Variants in BEND4 observed in about 807,000 individuals in gnomAD.
BEND4 encodes BEN domain-containing protein 4.
A neutral mutation model predicts 54.7 loss-of-function variants in BEND4; 27 were observed. The ratio of observed to expected loss-of-function variants is 0.49; its 90% confidence interval spans 0.36 to 0.68. The LOEUF is 0.68. BEND4 is among the 30% of genes least tolerant of loss of function. The pLI is 0.00. For synonymous variants in BEND4, 327 were observed against 299.5 expected (o/e 1.09, Z -0.95); for missense variants, 702 against 697.2 (o/e 1.01, Z -0.08).
Position 42,115,413 on chromosome 4 carries a change from T to C in BEND4, c.*2105A>G, listed in dbSNP as rs1388716426. On this transcript the variant is annotated 3_prime_UTR_variant, in exon 6 of 6. Coordinates refer to ENST00000502486, the MANE Select transcript of BEND4 (RefSeq NM_207406.4). ...TCAGCCTCAGCGAAGACCAGCACGA[T>C]AGGGCTCCAAGATGATATTTGGATA... is the stretch of plus-strand genomic sequence containing the variant. 1 of 152,220 alleles carries C rather than the reference T, an allele frequency of 6.6e-6. No individual in the cohort carries two copies. The highest frequency in any genetic ancestry group is 1.5e-5 in the Non-Finnish European group (1 of 68,048). 9.4% of individuals were successfully genotyped at this position (152,220 alleles called of 1,614,324 possible). A position where few individuals can be genotyped will look rare whatever the true frequency, so the allele number is the denominator to read the frequency against.
At chr4:42,128,478 G>T (rs1057316963) in intron 3 of BEND4, among the ~76,000 whole-genome samples, 5 of 152,108 alleles carry the variant, frequency 3.3e-5, no homozygotes, top group African/African-American at 1.2e-4. Context: ...CAAAAAATTA[G>T]CCGGGTGTGG....
At position 42,151,715 on chromosome 4, in the gene BEND4, C is replaced by T; in HGVS notation, c.429G>A (p.Ala143=). ...CCGTGCCGCCGGTGCCGGCGGCCGCCGCCGCGCCTGGGCCATACCTGACGA... is the reference window on the plus strand; with the variant it reads ...CCGTGCCGCCGGTGCCGGCGGCCGCTGCCGCGCCTGGGCCATACCTGACGA... ...AAVVRYGPGA[A]AAAGTGGTGS... The change falls in exon 2 of 6, where the codon GCG becomes GCA. Residue 143 remains alanine (A), a synonymous_variant. Transcript: ENST00000502486. 1 of 1,503,474 alleles carries T rather than the reference C, an allele frequency of 6.7e-7. No individual in the cohort carries two copies. The highest frequency in any genetic ancestry group is 8.8e-7 in the Non-Finnish European group (1 of 1,131,008). 93.1% of individuals were successfully genotyped at this position (1,503,474 alleles called of 1,614,324 possible). A position where few individuals can be genotyped will look rare whatever the true frequency, so the allele number is the denominator to read the frequency against.
chr4:42,148,927 T>G (rs574733694), intron 2 of BEND4, among the ~76,000 whole-genome samples: 1 of 152,364 alleles, frequency 6.6e-6, no homozygotes, highest in South Asian at 2.1e-4. Flanking sequence ...AATTATACTC[T>G]TCATGAGATT....
chr4:42,133,912 G>T (rs1720599823), intron 3 of BEND4, among the ~76,000 whole-genome samples: 1 of 152,128 alleles, frequency 6.6e-6, no homozygotes, highest in Admixed American at 6.5e-5. Context: ...TTATTGTGAG[G>T]ATTACTTAAA....
Position 42,132,141 on chromosome 4 carries a change from G to C in BEND4, c.1055-6467C>G, listed in dbSNP as rs575684652. ...CCGGAGGTGCATGGGCACTGAAAAG[G>C]AAATTGTGGAAAACCTCCTGTCCTC... is the stretch of plus-strand genomic sequence containing the variant. On this transcript the variant is annotated intron_variant, in intron 3 of 5. Coordinates refer to ENST00000502486, the MANE Select transcript of BEND4 (RefSeq NM_207406.4). 1.1e-4 allele frequency among the ~76,000 whole-genome samples: 17 copies of C among 152,372 alleles called. No individual in the cohort carries two copies. In the South Asian group the frequency reaches 3.3e-3, roughly 30 times the overall value.
intron 4 of BEND4, 139 bp downstream of exon 4, chr4:42,125,444 A>G (rs1677381609): frequency 3.1e-6 from 2 of 647,010 alleles, no homozygotes; most frequent in East Asian, 5.8e-5. Context: ...CACAAATTAC[A>G]TACTTACAGG....
chr4:42,121,096 A>T (rs1720041753), intron 4 of BEND4, among the ~76,000 whole-genome samples: 1 of 152,224 alleles, frequency 6.6e-6, no homozygotes. Flanking sequence ...GGACAAATTA[A>T]TTAACCCATG....
intron 4 of BEND4, among the ~76,000 whole-genome samples, chr4:42,122,808 C>G (rs761120369): frequency 3.3e-5 from 5 of 152,174 alleles, no homozygotes; most frequent in Non-Finnish European, 5.9e-5. Flanking sequence ...AGGATTACAG[C>G]TTTATCTTAC....
At position 42,143,781 on chromosome 4, in the gene BEND4, T is replaced by C. The variant is rs772913105; in HGVS notation, c.701A>G (p.Gln234Arg). 1 of 1,612,330 alleles carries C rather than the reference T, an allele frequency of 6.2e-7. No individual in the cohort carries two copies. Among genetic ancestry groups the C allele is most frequent in the Non-Finnish European group, 8.5e-7 (1 of 1,178,988 alleles). ...QTSDNVDIEM[Q>R]YMQRKQQTSA... ...AGTTTGTTGTTTCCTTTGCATATAC[T>C]GCATCTCTATGTCTACATTGTCTGA... Residue 234 changes from glutamine to arginine, a missense_variant, in exon 3 of 6, where the codon CAG becomes CGG. Gln to Arg is a conservative substitution (Grantham distance 43). Transcript: ENST00000502486.
rs993643670 is a variant in BEND4, at chr4:42,126,295, G to T, written c.1055-621C>A. Among the ~76,000 whole-genome samples, 6 of 152,182 alleles carry T rather than the reference G, an allele frequency of 3.9e-5. 1 individual carries two copies. The highest frequency in any genetic ancestry group is 1.4e-4 in the African/African-American group (6 of 41,448). ...GACATGTCTTGACTTATTTGACTCA[G>T]GTTGCAGCAGTAGCACCCAATGATG... On this transcript the variant is annotated intron_variant, in intron 3 of 5. Transcript: ENST00000502486.
At chr4:42,138,589 G>GAAA (rs1720776944) in intron 3 of BEND4, among the ~76,000 whole-genome samples, 1 of 152,194 alleles carries the variant, frequency 6.6e-6, no homozygotes, top group Non-Finnish European at 1.5e-5. Context: ...CTTGCTACAA[G>GAAA]AACAACAACA....
At chr4:42,121,893 T>C (rs1357104092) in intron 4 of BEND4, among the ~76,000 whole-genome samples, 1 of 151,850 alleles carries the variant, frequency 6.6e-6, no homozygotes, top group Non-Finnish European at 1.5e-5. Context: ...TTCACAAAAA[T>C]GAGGAACAGA....
At position 42,116,341 on chromosome 4, in the gene BEND4, A is replaced by G. The variant is rs1719829879; in HGVS notation, c.*1177T>C. 6.6e-6 allele frequency: 1 copy of G among 152,222 alleles called. No individual in the cohort carries two copies. 9.4% of individuals were successfully genotyped at this position (152,222 alleles called of 1,614,324 possible). The stretch of plus-strand genomic sequence containing the variant: ...TCTAGCACCTCTATAGCATTTGCCA[A>G]TATGGAAAGTTTCCAAAGATACCAC... On this transcript the variant is annotated 3_prime_UTR_variant, in exon 6 of 6. Transcript: ENST00000502486.
At chr4:42,133,104 G>A (rs948985042) in intron 3 of BEND4, among the ~76,000 whole-genome samples, 1 of 152,146 alleles carries the variant, frequency 6.6e-6, no homozygotes, top group Admixed American at 6.5e-5. Flanking sequence ...AAAGCCAAAG[G>A]CACCCAATAA....
rs377342974 is a variant in BEND4 at position 42,124,073 on chromosome 4, A to G, written c.1146+1510T>C. On this transcript the variant is annotated intron_variant, in intron 4 of 5. Transcript: ENST00000502486. The stretch of plus-strand genomic sequence containing the variant: ...ACATGTAGTCAATGTTATAAGAAAC[A>G]TAACTGGGCACAGGCTCATGCCTGT... Among the ~76,000 whole-genome samples, 24 of 152,344 alleles carry G rather than the reference A, an allele frequency of 1.6e-4. No homozygotes were observed. In the Middle Eastern group the frequency reaches 0.01, roughly 65 times the overall value.
chr4:42,119,855 G>C (rs140489130), intron 5 of BEND4, 199 bp downstream of exon 5: 4 of 609,154 alleles, frequency 6.6e-6, no homozygotes, highest in Middle Eastern at 4.2e-4. Flanking sequence ...GTACCACTAA[G>C]AGAGAACAAC....
At chr4:42,128,286 C>T (rs551318268) in intron 3 of BEND4, among the ~76,000 whole-genome samples, 2 of 152,204 alleles carry the variant, frequency 1.3e-5, no homozygotes, top group East Asian at 1.9e-4. Context: ...AAAACTGGCA[C>T]GAAACAAGGA....
Position 42,113,784 on chromosome 4 carries a change from G to C in BEND4, c.*3734C>G, listed in dbSNP as rs75033291. ...GGATAAGGAACAATGCAGAATACCCGATCACCCACTAACTCTACAGCCGTG... is the reference window on the plus strand; with the variant it reads ...GGATAAGGAACAATGCAGAATACCCCATCACCCACTAACTCTACAGCCGTG... On this transcript the variant is annotated 3_prime_UTR_variant, in exon 6 of 6. Coordinates refer to ENST00000502486, the MANE Select transcript of BEND4 (RefSeq NM_207406.4). 1 of 152,170 alleles carries C rather than the reference G, an allele frequency of 6.6e-6. No homozygotes were observed. The highest frequency in any genetic ancestry group is 2.4e-5 in the African/African-American group (1 of 41,438). The allele number at this position is 152,170 out of a possible 1,614,324, so 9.4% of individuals were successfully genotyped here. A position where few individuals can be genotyped will look rare whatever the true frequency, so the allele number is the denominator to read the frequency against.
At chr4:42,138,705 AGTTT>A (rs1459496053) in intron 3 of BEND4, among the ~76,000 whole-genome samples, 1 of 152,326 alleles carries the variant, frequency 6.6e-6, no homozygotes, top group Admixed American at 6.5e-5. Context: ...TACAAAACAA[AGTTT>A]ATTTAAAATA....
Sources: allele counts gnomAD v4.1 joint callset (sites outside exome capture counted in the v4.1 genomes callset), GRCh38; gene constraint gnomAD v4.1.1; transcripts MANE v1.5; gene names NCBI Gene and HGNC (gene_info 2026-07-23, HGNC 2026-07-21).